Variants in INPP4B observed in about 807,000 individuals in gnomAD.
INPP4B encodes the protein inositol polyphosphate-4-phosphatase type II B.
Under a neutral mutation model 122.5 loss-of-function variants are expected in INPP4B, and 55 were observed. That is an observed-to-expected ratio of 0.45 (90% confidence interval 0.36 to 0.56). The LOEUF is 0.56. Among genes scored for constraint, INPP4B ranks in the 20% least tolerant of loss-of-function variants. The probability of loss-of-function intolerance (pLI) is 0.00; values close to 1 mark genes in which losing one functional copy is unlikely to be tolerated. For synonymous variants in INPP4B, 403 were observed against 388.7 expected, an observed-to-expected ratio of 1.04 and a Z score of -0.43; for missense variants, 1,000 against 1,097.7, an observed-to-expected ratio of 0.91 and a Z score of 1.26.
At chr4:142,114,146 G>A (rs1460713875) in intron 21 of INPP4B, among the ~76,000 whole-genome samples, 4 of 151,922 alleles carry the variant, frequency 2.6e-5, no homozygotes, top group Non-Finnish European at 5.9e-5. Flanking sequence ...TCAGTAGCTT[G>A]TTCCTTTTAA....
intron 2 of INPP4B, among the ~76,000 whole-genome samples, chr4:142,620,874 C>T (rs1410273718): frequency 3.3e-5 from 5 of 151,644 alleles, no homozygotes; most frequent in African/African-American, 4.8e-5. Flanking sequence ...CATAACCATT[C>T]GGGGAGTTTT....
intron 1 of INPP4B, among the ~76,000 whole-genome samples, chr4:142,825,074 A>G (rs1781292637): frequency 6.6e-6 from 1 of 152,136 alleles, no homozygotes; most frequent in Non-Finnish European, 1.5e-5. Context: ...ACTAAAGTAC[A>G]TGTCAGACTT....
intron 12 of INPP4B, among the ~76,000 whole-genome samples, chr4:142,237,141 T>C (rs1401645598): frequency 6.6e-6 from 1 of 152,152 alleles, no homozygotes; most frequent in Non-Finnish European, 1.5e-5. Flanking sequence ...TCCATTAGCA[T>C]AGCATGTTTT....
chr4:142,511,237 A>G (rs1824675702), intron 2 of INPP4B, among the ~76,000 whole-genome samples: 1 of 152,146 alleles, frequency 6.6e-6, no homozygotes, highest in Non-Finnish European at 1.5e-5. Context: ...TCCCTAATGT[A>G]CTTTTGAAAA....
chr4:142,415,920 G>T (rs1238129957), intron 5 of INPP4B, among the ~76,000 whole-genome samples: 1 of 151,240 alleles, frequency 6.6e-6, no homozygotes, highest in Admixed American at 6.6e-5. Flanking sequence ...ACCGAACACC[G>T]CATGTTCTCA....
rs915062675 is a variant in INPP4B, at chr4:142,027,046, T to C, written c.*1736A>G. On this transcript the variant is annotated 3_prime_UTR_variant, in exon 26 of 26. Coordinates refer to ENST00000262992, the MANE Select transcript of INPP4B (RefSeq NM_001101669.3). The stretch of plus-strand genomic sequence containing the variant: ...CAAATGATATTGAACAACTCAAAGG[T>C]TGTATTTAATCACTAAAATAAAGAA... 1 of 152,096 alleles carries C rather than the reference T, an allele frequency of 6.6e-6. No individual in the cohort carries two copies. Among genetic ancestry groups the C allele is most frequent in the Non-Finnish European group, 1.5e-5 (1 of 68,024 alleles). The allele number at this position is 152,096 out of a possible 1,614,324, so 9.4% of individuals were successfully genotyped here. A position where few individuals can be genotyped will look rare whatever the true frequency, so the allele number is the denominator to read the frequency against.
At chr4:142,091,706 T>C (rs901668982) in intron 23 of INPP4B, among the ~76,000 whole-genome samples, 1 of 152,088 alleles carries the variant, frequency 6.6e-6, no homozygotes, top group Non-Finnish European at 1.5e-5. Flanking sequence ...CCTTGTTAGG[T>C]CAAATAGGTT....
chr4:142,356,971 C>T (rs1579832466), intron 7 of INPP4B, among the ~76,000 whole-genome samples: 2 of 151,954 alleles, frequency 1.3e-5, no homozygotes, highest in Admixed American at 6.6e-5. Flanking sequence ...TGCTTCCAGG[C>T]TGGTGAATAC....
chr4:142,371,689 A>T (rs1789957289), intron 7 of INPP4B, among the ~76,000 whole-genome samples: 1 of 152,206 alleles, frequency 6.6e-6, no homozygotes, highest in African/African-American at 2.4e-5. Flanking sequence ...AATGCTCAAC[A>T]TCCCTAATTA....
chr4:142,029,061 T>G (rs139918596), intron 25 of INPP4B, 147 bp from the exon 26 acceptor site: 139 of 1,402,624 alleles, frequency 9.9e-5, no homozygotes, highest in Non-Finnish European at 1.2e-4. Context: ...TGATGATACA[T>G]CTTACAAAAT....
intron 14 of INPP4B, among the ~76,000 whole-genome samples, chr4:142,205,136 T>C (rs1270592477): frequency 1.3e-5 from 2 of 152,136 alleles, no homozygotes; most frequent in Admixed American, 1.3e-4. Context: ...GATGGTACCT[T>C]GGAAAACAGC....
chr4:142,558,656 G>A (rs998336058), intron 2 of INPP4B, among the ~76,000 whole-genome samples: 1 of 62,504 alleles, frequency 1.6e-5, no homozygotes, highest in Admixed American at 2.1e-4. Context: ...AGTGGGTGTT[G>A]GGGGGGCAGT....
intron 1 of INPP4B, among the ~76,000 whole-genome samples, chr4:142,759,289 G>A (rs1246509931): frequency 5.3e-5 from 8 of 152,162 alleles, no homozygotes; most frequent in Admixed American, 5.2e-4. Flanking sequence ...TCAATGATCT[G>A]TCACCAACTT....
chr4:142,168,696 T>C (rs336384), intron 16 of INPP4B, among the ~76,000 whole-genome samples: 107,759 of 151,408 alleles, frequency 0.71, 40,585 homozygotes, highest in Non-Finnish European at 0.83. Context: ...ATTCCTAATA[T>C]TTATTTCTGT....
intron 9 of INPP4B, among the ~76,000 whole-genome samples, chr4:142,283,509 GTACTTACATAAACC>G (rs1247276087): frequency 6.6e-6 from 1 of 152,102 alleles, no homozygotes; most frequent in Non-Finnish European, 1.5e-5. Context: ...GTCATAGAGT[GTACTTACATAAACC>G]TAGATGATAT....
intron 1 of INPP4B, among the ~76,000 whole-genome samples, chr4:142,743,948 A>C (rs1483324230): frequency 6.6e-6 from 1 of 151,994 alleles, no homozygotes; most frequent in Admixed American, 6.6e-5. Context: ...ATAGTAAAGA[A>C]TAAGCCATCA....
intron 7 of INPP4B, among the ~76,000 whole-genome samples, chr4:142,355,792 T>G: frequency 6.6e-6 from 1 of 152,040 alleles, no homozygotes; most frequent in East Asian, 1.9e-4. Flanking sequence ...ATTCAGCTTA[T>G]CAGAGCATGA....
chr4:142,845,390 C>T (rs929397241), intron 1 of INPP4B, among the ~76,000 whole-genome samples: 1 of 152,186 alleles, frequency 6.6e-6, no homozygotes, highest in African/African-American at 2.4e-5. Context: ...CATTCCCCGG[C>T]CCTGGGCCCT....
chr4:142,531,359 T>C (rs557152542), intron 2 of INPP4B, among the ~76,000 whole-genome samples: 1 of 152,156 alleles, frequency 6.6e-6, no homozygotes, highest in Non-Finnish European at 1.5e-5. Flanking sequence ...GAAATATGTT[T>C]GTACCAGAAT....
Sources: gnomAD v4.1 joint callset for allele counts (sites outside exome capture counted in the v4.1 genomes callset) on GRCh38, gnomAD v4.1.1 for gene constraint, MANE v1.5 for transcripts, NCBI Gene and HGNC (gene_info 2026-07-23, HGNC 2026-07-21) for gene names.